The following KIAA0586 variants were observed in gnomAD, a reference collection of about 807,000 sequenced individuals.
KIAA0586 encodes the protein KIAA0586.
A neutral mutation model predicts 169.8 loss-of-function variants in KIAA0586; 144 were observed. The observed-to-expected ratio is 0.85, with a 90% confidence interval of 0.74 to 0.97. KIAA0586 has a LOEUF of 0.97. Ranked by LOEUF, KIAA0586 falls within the 50% of genes least tolerant of loss-of-function variation. KIAA0586 has a pLI of 0.00. For missense variants in KIAA0586, 1,854 were observed against 1,823.0 expected (o/e 1.02, Z -0.31); for synonymous variants, 625 against 612.4 (o/e 1.02, Z -0.30).
Position 58,488,117 on chromosome 14 carries a change from A to C in KIAA0586, c.3527+8A>C. On this transcript the variant is annotated splice_region_variant and intron_variant, in intron 23 of 30. Transcript: ENST00000652326. ...ACTTCATCCAAGAGCTATGTAAATG[A>C]GAACATACTCACTAGTAACTGTACA... 6.4e-7 allele frequency: 1 copy of C among 1,561,190 alleles called. No individual in the cohort carries two copies. Among genetic ancestry groups the C allele is most frequent in the Non-Finnish European group, 8.7e-7 (1 of 1,145,092 alleles).
At chr14:58,439,426 A>G (rs1487518325) in intron 4 of KIAA0586, among the ~76,000 whole-genome samples, 1 of 151,980 alleles carries the variant, frequency 6.6e-6, no homozygotes, top group African/African-American at 2.4e-5. Flanking sequence ...TGACCTCGTG[A>G]TCCGCCCGCC....
intron 27 of KIAA0586, among the ~76,000 whole-genome samples, chr14:58,500,781 A>G (rs559090969): frequency 2.0e-5 from 3 of 152,228 alleles, no homozygotes; most frequent in Admixed American, 2.0e-4. Flanking sequence ...GGCCATTTTA[A>G]ACAGTGAAAT....
At chr14:58,427,418 G>T (rs1325312537), upstream of KIAA0586, 6 of 592,380 alleles carry the variant, frequency 1.0e-5, no homozygotes, top group East Asian at 1.8e-4. Flanking sequence ...AACGGTCTTC[G>T]GAAGCGAAGC....
intron 18 of KIAA0586, among the ~76,000 whole-genome samples, chr14:58,472,639 T>C (rs1451303937): frequency 6.6e-6 from 1 of 151,778 alleles, no homozygotes; most frequent in African/African-American, 2.4e-5. Flanking sequence ...AGTTAATTGA[T>C]ATTGAGAAAA....
Position 58,457,826 on chromosome 14 carries a change from C to T in KIAA0586, c.1430C>T (p.Thr477Ile). The T allele has an allele frequency of 6.2e-7, 1 of 1,607,868 alleles. No homozygotes were observed. Among genetic ancestry groups the T allele is most frequent in the South Asian group, 1.1e-5 (1 of 90,088 alleles). ...CAGAATTCTGTTAAGCTTCAAACAA[C>T]CAATACAACAAGATCTGTATTGAAA... ...LPQNSVKLQT[T>I]NTTRSVLKDA... The change falls in exon 11 of 31, where the codon ACC becomes ATC. Residue 477 changes from threonine (T) to isoleucine (I), a missense_variant. Transcript: ENST00000652326.
downstream of KIAA0586, among the ~76,000 whole-genome samples, chr14:58,554,146 G>T (rs2047231808): frequency 6.6e-6 from 1 of 152,120 alleles, no homozygotes; most frequent in Admixed American, 6.6e-5. Context: ...GCGAGCTTCA[G>T]TATGCAAGCA....
chr14:58,437,896 A>G (rs2037971031), intron 4 of KIAA0586, among the ~76,000 whole-genome samples: 1 of 152,076 alleles, frequency 6.6e-6, no homozygotes, highest in Non-Finnish European at 1.5e-5. Context: ...AAAACCAAAC[A>G]TTTAAGGAGT....
chr14:58,441,671 T>C (rs2038387480), intron 4 of KIAA0586, among the ~76,000 whole-genome samples: 1 of 152,212 alleles, frequency 6.6e-6, no homozygotes, highest in East Asian at 1.9e-4. Context: ...TCTCGCTGTG[T>C]CACCCAGGCT....
intron 29 of KIAA0586, among the ~76,000 whole-genome samples, chr14:58,513,327 GA>G (rs2044526815): frequency 6.6e-6 from 1 of 151,932 alleles, no homozygotes; most frequent in Admixed American, 6.6e-5. Context: ...TTGAGAAGTG[GA>G]ATTTTTCTTT....
In KIAA0586 at chr14:58,460,026, A is replaced by T; in HGVS notation, c.1840A>T (p.Met614Leu). Residue 614 changes from methionine to leucine, a missense_variant, in exon 13 of 31, where the codon ATG becomes TTG. Met to Leu is a conservative substitution (Grantham distance 15). Transcript: ENST00000652326. ...QIEEHFRNLP[M>L]RGMPASSLQK... ...AGAAGAGCATTTTAGAAATCTACCT[A>T]TGAGGGGCATGCCTGCTTCAAGTTT... The T allele has an allele frequency of 1.3e-6, 2 of 1,533,470 alleles. No homozygotes were observed. The highest frequency in any genetic ancestry group is 1.2e-5 in the South Asian group (1 of 83,834). 95.0% of individuals were successfully genotyped at this position (1,533,470 alleles called of 1,614,324 possible).
At chr14:58,526,797 A>T (rs181378413) in intron 29 of KIAA0586, among the ~76,000 whole-genome samples, 6 of 152,122 alleles carry the variant, frequency 3.9e-5, no homozygotes, top group African/African-American at 1.4e-4. Context: ...CTATTCCTTC[A>T]AATTAGCTCT....
rs2140826852 is a variant in KIAA0586 at position 58,456,783 on chromosome 14, A to G, written c.1335A>G (p.Lys445=). Residue 445 remains lysine (K), a synonymous_variant, in exon 10 of 31, where the codon AAA becomes AAG. Transcript: ENST00000652326. ...SDDVLHDLGQ[K]EKETNSMVQP... ...ATGTTCTTCATGACCTTGGCCAAAAAGAGAAAGAAACAAATAGCATGGTCC... is the reference window on the plus strand; with the variant it reads ...ATGTTCTTCATGACCTTGGCCAAAAGGAGAAAGAAACAAATAGCATGGTCC... 1 of 1,599,134 alleles carries G rather than the reference A, an allele frequency of 6.3e-7. No individual in the cohort carries two copies. The highest frequency in any genetic ancestry group is 1.1e-5 in the South Asian group (1 of 88,424).
chr14:58,437,358 G>GC, intron 4 of KIAA0586, among the ~76,000 whole-genome samples: 1 of 152,260 alleles, frequency 6.6e-6, no homozygotes, highest in South Asian at 2.1e-4. Context: ...CTGGGCATGG[G>GC]CAAGGGTTTG....
chr14:58,547,151 C>CT (rs201916906), intron 30 of KIAA0586, among the ~76,000 whole-genome samples: 21 of 120,938 alleles, frequency 1.7e-4, no homozygotes, highest in South Asian at 2.9e-4. Flanking sequence ...TATCTTACCT[C>CT]TTTTAAAAAA....
chr14:58,503,486 T>G (rs1177306022), intron 27 of KIAA0586, among the ~76,000 whole-genome samples: 1 of 152,156 alleles, frequency 6.6e-6, no homozygotes, highest in African/African-American at 2.4e-5. Flanking sequence ...CAGAAGATAT[T>G]TTTGAGTGCC....
chr14:58,456,916 A>T, intron 10 of KIAA0586, 106 bp downstream of exon 10: 1 of 673,606 alleles, frequency 1.5e-6, no homozygotes, highest in Non-Finnish European at 2.6e-6. Flanking sequence ...AAGAAAAAGC[A>T]CTGAAAAAGA....
At chr14:58,461,591 C>G (rs370553016) in intron 14 of KIAA0586, among the ~76,000 whole-genome samples, 1 of 152,138 alleles carries the variant, frequency 6.6e-6, no homozygotes, top group East Asian at 1.9e-4. Context: ...CACACTACCA[C>G]GCCTGGCTAA....
intron 27 of KIAA0586, among the ~76,000 whole-genome samples, chr14:58,507,346 TATC>T (rs1186749372): frequency 0.014 from 1,991 of 145,112 alleles, 27 homozygotes; most frequent in Non-Finnish European, 0.022. Flanking sequence ...AAATATATAA[TATC>T]ATATATAATA....
At chr14:58,501,447 A>G (rs929053403) in intron 27 of KIAA0586, among the ~76,000 whole-genome samples, 11 of 152,210 alleles carry the variant, frequency 7.2e-5, no homozygotes, top group Non-Finnish European at 5.9e-5. Context: ...ACTGCTAGGT[A>G]CTTAAGAGCT....
Sources: allele counts gnomAD v4.1 joint callset (sites outside exome capture counted in the v4.1 genomes callset), GRCh38; gene constraint gnomAD v4.1.1; transcripts MANE v1.5; gene names NCBI Gene and HGNC (gene_info 2026-07-23, HGNC 2026-07-21).